The following RBFOX2 variants were observed in gnomAD, a reference collection of about 807,000 sequenced individuals.
RBFOX2 encodes RNA binding fox-1 homolog 2, also known as RNA binding protein fox-1 homolog 2.
Under a neutral mutation model 49.1 loss-of-function variants are expected in RBFOX2, and 10 were observed. That is an observed-to-expected ratio of 0.20 (90% CI 0.13 to 0.35). RBFOX2 has a LOEUF of 0.35. RBFOX2 is among the 10% of genes least tolerant of loss of function. The pLI is 1.00. For missense variants in RBFOX2, 323 were observed against 486.9 expected (o/e 0.66, Z 3.17); for synonymous variants, 183 against 187.4 (o/e 0.98, Z 0.19).
At chr22:36,021,358 G>T (rs895625217) in intron 1 of RBFOX2, among the ~76,000 whole-genome samples, 1 of 151,728 alleles carries the variant, frequency 6.6e-6, no homozygotes, top group Non-Finnish European at 1.5e-5. Flanking sequence ...TAACAAACCC[G>T]CACGTTGTGC....
chr22:35,997,302 AT>A (rs1158509396), intron 1 of RBFOX2: 1 of 152,210 alleles, frequency 6.6e-6, no homozygotes, highest in African/African-American at 2.4e-5. Flanking sequence ...CAAACCATAC[AT>A]GAGAATAGAA....
chr22:35,753,771 C>CTTT (rs869178693), intron 9 of RBFOX2, among the ~76,000 whole-genome samples: 16 of 54,506 alleles, frequency 2.9e-4, no homozygotes, highest in South Asian at 1.6e-3. Context: ...GTAGACAAGT[C>CTTT]TTTTTTTTTT....
At chr22:36,027,677 A>G (rs2146631015) in intron 1 of RBFOX2, among the ~76,000 whole-genome samples, 1 of 152,278 alleles carries the variant, frequency 6.6e-6, no homozygotes, top group Non-Finnish European at 1.5e-5. Context: ...TGTCCCCATA[A>G]CATTACCAAA....
At chr22:35,827,941 C>CA (rs1956087620) in intron 1 of RBFOX2, among the ~76,000 whole-genome samples, 1 of 152,160 alleles carries the variant, frequency 6.6e-6, no homozygotes, top group Non-Finnish European at 1.5e-5. Context: ...CCGAGGTGGG[C>CA]AGATCACCTG....
intron 1 of RBFOX2, among the ~76,000 whole-genome samples, chr22:36,012,041 C>T (rs1188615412): frequency 1.3e-5 from 2 of 152,122 alleles, no homozygotes; most frequent in Admixed American, 1.3e-4. Flanking sequence ...ACTGATTGAT[C>T]TGTTGTTGAT....
At chr22:35,899,595 G>C (rs73413863) in intron 1 of RBFOX2, among the ~76,000 whole-genome samples, 1 of 150,000 alleles carries the variant, frequency 6.7e-6, no homozygotes, top group East Asian at 1.9e-4. Context: ...AAAGAAAAAA[G>C]GGGGAACAAA....
intron 1 of RBFOX2, among the ~76,000 whole-genome samples, chr22:35,875,545 A>T (rs1472960052): frequency 2.6e-5 from 4 of 151,866 alleles, no homozygotes; most frequent in African/African-American, 9.7e-5. Context: ...CAAAAGTAAC[A>T]TATCCTTTAC....
At chr22:35,833,717 G>A (rs531393656) in intron 1 of RBFOX2, among the ~76,000 whole-genome samples, 1 of 152,272 alleles carries the variant, frequency 6.6e-6, no homozygotes, top group African/African-American at 2.4e-5. Flanking sequence ...ATTATTAGTG[G>A]TGGTTAAGAA....
intron 1 of RBFOX2, among the ~76,000 whole-genome samples, chr22:35,920,941 C>A (rs980891976): frequency 1.3e-5 from 2 of 152,150 alleles, no homozygotes; most frequent in African/African-American, 4.8e-5. Context: ...TATATTAAGG[C>A]AGATTTTATT....
intron 1 of RBFOX2, among the ~76,000 whole-genome samples, chr22:35,899,122 A>AAATAAC (rs1556357857): frequency 2.9e-5 from 4 of 139,320 alleles, no homozygotes; most frequent in South Asian, 5.0e-4. Context: ...CTGTCTCAAA[A>AAATAAC]ATAACATAAC....
intron 4 of RBFOX2, among the ~76,000 whole-genome samples, chr22:35,775,841 C>CAAA (rs753116056): frequency 1.6e-4 from 9 of 56,138 alleles, no homozygotes; most frequent in African/African-American, 3.6e-4. Flanking sequence ...GAATCTGCCT[C>CAAA]AAAAAAAAAA....
At chr22:36,018,695 C>T (rs117433588) in intron 1 of RBFOX2, among the ~76,000 whole-genome samples, 2,134 of 152,300 alleles carry the variant, frequency 0.014, 25 homozygotes, top group Non-Finnish European at 0.021. Context: ...CTCATTGCAA[C>T]CTCCACCTCC....
chr22:35,784,664 T>A (rs1173591147), intron 2 of RBFOX2, among the ~76,000 whole-genome samples: 2 of 152,258 alleles, frequency 1.3e-5, no homozygotes, highest in African/African-American at 4.8e-5. Context: ...AATCTCATCC[T>A]CCTTGTGGTT....
rs568220154 is a variant in RBFOX2, at chr22:35,959,210, G to A, written c.42+2353C>T. ...AGATAATTGATATACATTATTTCTG[G>A]GTATTATTTCCATTATCAGGTGAGG... On this transcript the variant is annotated intron_variant, in intron 1 of 5. Transcript: ENST00000408983. 1.2e-4 allele frequency among the ~76,000 whole-genome samples: 18 copies of A among 152,244 alleles called. 1 individual carries two copies. In the South Asian group the frequency reaches 3.5e-3, roughly 30 times the overall value.
chr22:35,761,368 C>T (rs762464572), intron 7 of RBFOX2, 47 bp downstream of exon 8: 1 of 1,611,728 alleles, frequency 6.2e-7, no homozygotes, highest in Non-Finnish European at 8.5e-7. Context: ...ACAGCAGATG[C>T]TATTACAATT....
chr22:35,790,707 G>A (rs188665573), intron 2 of RBFOX2, among the ~76,000 whole-genome samples: 1 of 152,238 alleles, frequency 6.6e-6, no homozygotes, highest in Admixed American at 6.5e-5. Flanking sequence ...AATTTACTGT[G>A]AATCTAAAAT....
At chr22:35,785,891 A>ACACG (rs1946282159) in intron 2 of RBFOX2, among the ~76,000 whole-genome samples, 1 of 152,236 alleles carries the variant, frequency 6.6e-6, no homozygotes, top group African/African-American at 2.4e-5. Flanking sequence ...AAGCAAACCA[A>ACACG]CACGCAGTCA....
At chr22:35,871,260 T>C (rs746040465) in intron 1 of RBFOX2, among the ~76,000 whole-genome samples, 37 of 152,202 alleles carry the variant, frequency 2.4e-4, no homozygotes, top group Non-Finnish European at 4.9e-4. Context: ...AAGTAATGTG[T>C]ACTCTATGGT....
At chr22:35,755,653 C>T (rs1936645444) in intron 9 of RBFOX2, among the ~76,000 whole-genome samples, 1 of 152,052 alleles carries the variant, frequency 6.6e-6, no homozygotes, top group African/African-American at 2.4e-5. Context: ...AATCACAGCT[C>T]TAATGATCTA....
Sources: allele counts gnomAD v4.1 joint callset (sites outside exome capture counted in the v4.1 genomes callset), GRCh38; gene constraint gnomAD v4.1.1; transcripts MANE v1.5; gene names NCBI Gene and HGNC (gene_info 2026-07-23, HGNC 2026-07-21).